The following PIH1D1 variants were observed in gnomAD, a reference collection of about 807,000 sequenced individuals.
The protein encoded by PIH1D1 is PIH1 domain containing 1.
A neutral mutation model predicts 38.5 loss-of-function variants in PIH1D1; 28 were observed. The observed-to-expected ratio is 0.73, with a 90% CI of 0.54 to 1.00. PIH1D1 has a LOEUF of 1.00. Among genes scored for constraint, PIH1D1 ranks in the 50% least tolerant of loss-of-function variants. The pLI, the probability that PIH1D1 is intolerant of heterozygous loss-of-function variation, is 0.00. For synonymous variants in PIH1D1, 155 were observed against 153.5 expected, an observed-to-expected ratio of 1.01 and a Z score of -0.07; for missense variants, 343 against 369.9, an observed-to-expected ratio of 0.93 and a Z score of 0.60.
At chr19:49,448,207 T>G in intron 3 of PIH1D1, 145 bp from the exon 4 acceptor site, 1 of 776,944 alleles carries the variant, frequency 1.3e-6, no homozygotes, top group Non-Finnish European at 2.1e-6. Context: ...GCACTCACTT[T>G]CCGCTCTGGA....
At chr19:49,447,210 C>A in intron 6 of PIH1D1, 111 bp from the exon 7 acceptor site, 1 of 1,487,626 alleles carries the variant, frequency 6.7e-7, no homozygotes, top group South Asian at 1.2e-5. Context: ...CCTTCCCAGT[C>A]AGGAGTTCTC....
Position 49,446,544 on chromosome 19 carries a change from C to T in PIH1D1, c.831+7G>A. The T allele has an allele frequency of 6.2e-7, 1 of 1,614,002 alleles. No individual in the cohort carries two copies. On this transcript the variant is annotated splice_region_variant and intron_variant, in intron 8 of 8. Coordinates refer to ENST00000262265, the MANE Select transcript of PIH1D1 (RefSeq NM_017916.3). ...TCCCAGCTTCCCCAAGCCCCTCCCC[C>T]AGGCACCTTTCTCTTCCGGTGGAAG...
chr19:49,449,525 C>A lies in PIH1D1; in HGVS notation c.287G>T (p.Gly96Val), dbSNP rs758268412. 2 of 1,614,180 alleles carry A rather than the reference C, an allele frequency of 1.2e-6. No homozygotes were observed. The highest frequency in any genetic ancestry group is 4.5e-5 in the East Asian group (2 of 44,878). The change falls in exon 3 of 9, where the codon GGG (glycine) becomes GTG (valine). Residue 96 changes from glycine to valine, a missense_variant. By Grantham distance (109) the Gly-to-Val change is moderately radical. Transcript: ENST00000262265. ...LLQMLEEDQA[G>V]FRIPMSLGEP... is the part of the protein sequence containing the mutation. ...TCCCAGACTCATGGGGATGCGAAACCCAGCTTGGTCCTCCTCTAGCATCTG... is the reference window on the plus strand; with the variant it reads ...TCCCAGACTCATGGGGATGCGAAACACAGCTTGGTCCTCCTCTAGCATCTG...
intron 2 of PIH1D1, 83 bp from the exon 3 acceptor site, chr19:49,449,737 T>C (rs2079046634): frequency 8.2e-7 from 1 of 1,222,172 alleles, no homozygotes; most frequent in Non-Finnish European, 1.2e-6. Context: ...CTGTCTCTTT[T>C]CCTTTTGCCC....
rs779654101 is a variant in PIH1D1 at position 49,449,532 on chromosome 19, G to T, written c.280C>A (p.Gln94Lys). ...CTCATGGGGATGCGAAACCCAGCTT[G>T]GTCCTCCTCTAGCATCTGAAGCAGC... Reference protein sequence around the residue: ...EELLQMLEEDQAGFRIPMSLG... With the variant: ...EELLQMLEEDKAGFRIPMSLG... The change falls in exon 3 of 9, where the codon CAA (glutamine) becomes AAA (lysine). Residue 94 changes from glutamine to lysine, a missense_variant. Gln to Lys is a moderately conservative substitution (Grantham distance 53). Coordinates refer to ENST00000262265, the MANE Select transcript of PIH1D1 (RefSeq NM_017916.3). 17 of 1,614,088 alleles carry T rather than the reference G, an allele frequency of 1.1e-5. No individual in the cohort carries two copies. Among genetic ancestry groups the T allele is most frequent in the Non-Finnish European group, 1.4e-5 (16 of 1,180,046 alleles).
At chr19:49,449,156 A>AG (rs369857129) in intron 3 of PIH1D1, 2 of 434,098 alleles carry the variant, frequency 4.6e-6, no homozygotes, top group Non-Finnish European at 8.7e-6. Context: ...AAAAAAAAAA[A>AG]GAAAGAAAGA....
chr19:49,449,172 G>A (rs931977218), intron 3 of PIH1D1: 2 of 497,632 alleles, frequency 4.0e-6, no homozygotes, highest in African/African-American at 2.0e-5. Context: ...AAAGAAAAAA[G>A]AAGGAGACAG....
At position 49,447,356 on chromosome 19, in the gene PIH1D1, G is replaced by A. The variant is rs893204926; in HGVS notation, c.593C>T (p.Pro198Leu). Reference sequence around the variant, plus strand: ...GGCCCACCCTGACTCAGCTCTCCCGGGGGCGGGCGTGTACAGGTCCCCCAG... The same window carrying A: ...GGCCCACCCTGACTCAGCTCTCCCGAGGGCGGGCGTGTACAGGTCCCCCAG... Reference protein sequence around the residue: ...QELGDLYTPAPGRAESGPEKP... With the variant: ...QELGDLYTPALGRAESGPEKP... The change falls in exon 6 of 9, where the codon CCC (proline) becomes CTC (leucine). Residue 198 changes from proline to leucine, a missense_variant. Coordinates refer to ENST00000262265, the MANE Select transcript of PIH1D1 (RefSeq NM_017916.3). The A allele has an allele frequency of 1.2e-6, 2 of 1,613,888 alleles. No individual in the cohort carries two copies. The highest frequency in any genetic ancestry group is 1.3e-5 in the African/African-American group (1 of 75,030).
Position 49,447,479 on chromosome 19 carries a change from G to C in PIH1D1, c.482-12C>G. The C allele has an allele frequency of 6.2e-7, 1 of 1,606,452 alleles. No individual in the cohort carries two copies. On this transcript the variant is annotated splice_polypyrimidine_tract_variant and intron_variant, in intron 5 of 8. Coordinates refer to ENST00000262265, the MANE Select transcript of PIH1D1 (RefSeq NM_017916.3). ...CATCATGCGCCATTCTGAGGGTCAG[G>C]AGCGCCGTCAAACATCGTACAGGTC...
In PIH1D1 at chr19:49,451,800, T is replaced by C. The variant is rs2079063105; in HGVS notation, c.-226A>G. ...TAGACGCACTACCCTCCGTCCTACG[T>C]GCCGAACTGTAAACGAAGCCACACT... On this transcript the variant is annotated 5_prime_UTR_variant, in exon 1 of 9. Coordinates refer to ENST00000262265, the MANE Select transcript of PIH1D1 (RefSeq NM_017916.3). 1 of 1,322,848 alleles carries C rather than the reference T, an allele frequency of 7.6e-7. No individual in the cohort carries two copies. The highest frequency in any genetic ancestry group is 9.8e-7 in the Non-Finnish European group (1 of 1,017,982). The allele number at this position is 1,322,848 out of a possible 1,614,324, so 81.9% of individuals were successfully genotyped here.
At chr19:49,451,115 C>T (rs1016049020) in intron 1 of PIH1D1, among the ~76,000 whole-genome samples, 2 of 148,000 alleles carry the variant, frequency 1.4e-5, no homozygotes, top group African/African-American at 5.0e-5. Flanking sequence ...TTGCAAGCTT[C>T]GCCTCCCGGG....
intron 2 of PIH1D1, among the ~76,000 whole-genome samples, chr19:49,449,933 T>C (rs2079048285): frequency 6.6e-6 from 1 of 151,790 alleles, no homozygotes; most frequent in Non-Finnish European, 1.5e-5. Flanking sequence ...TAGCTGGGAT[T>C]ATAGGCGCCC....
At chr19:49,449,998 T>C (rs959021538) in intron 2 of PIH1D1, among the ~76,000 whole-genome samples, 18 of 152,102 alleles carry the variant, frequency 1.2e-4, no homozygotes, top group Non-Finnish European at 1.3e-4. Context: ...TTTCACCATG[T>C]TGGCCAGGCT....
At chr19:49,449,769 T>C in intron 2 of PIH1D1, 115 bp from the exon 3 acceptor site, 1 of 760,348 alleles carries the variant, frequency 1.3e-6, no homozygotes. Context: ...TTTGTTCCAC[T>C]CCCCACCCGA....
At chr19:49,447,227 C>T in intron 6 of PIH1D1, 111 bp downstream of exon 6, 1 of 1,523,806 alleles carries the variant, frequency 6.6e-7, no homozygotes, top group East Asian at 2.3e-5. Context: ...TCTCTCTCCT[C>T]CCTCTCTCAG....
At position 49,448,295 on chromosome 19, in the gene PIH1D1, C is replaced by T. The variant is rs142970239; in HGVS notation, c.338-233G>A. On this transcript the variant is annotated intron_variant, in intron 3 of 8. Transcript: ENST00000262265. ...GTCACTAGAGTTGACCCTATCCCTT[C>T]CCTGCTCACAGCTCTTCTCTGGCTC... The T allele has an allele frequency of 7.1e-3, 3,989 of 561,484 alleles. 20 individuals are homozygous for T. Among genetic ancestry groups the T allele is most frequent in the Non-Finnish European group, 9.9e-3 (3,107 of 312,792 alleles). 34.8% of individuals were successfully genotyped at this position (561,484 alleles called of 1,614,324 possible).
chr19:49,451,107 G>A (rs1485965748), intron 1 of PIH1D1, among the ~76,000 whole-genome samples: 1 of 139,578 alleles, frequency 7.2e-6, no homozygotes, highest in East Asian at 2.1e-4. Context: ...TCGGCTCATT[G>A]CAAGCTTCGC....
intron 1 of PIH1D1, 57 bp downstream of exon 1, chr19:49,451,428 T>C: frequency 6.2e-7 from 1 of 1,609,404 alleles, no homozygotes; most frequent in South Asian, 1.1e-5. Flanking sequence ...GTCCCATCTT[T>C]GAGCACCCCG....
intron 1 of PIH1D1, 170 bp from the exon 2 acceptor site, chr19:49,451,018 CCCATTT>C (rs1310621912): frequency 1.4e-5 from 16 of 1,152,224 alleles, no homozygotes; most frequent in Middle Eastern, 2.4e-4. Flanking sequence ...CAACCCCATT[CCCATTT>C]CTTTTTTTTT....
Sources: gnomAD v4.1 joint callset for allele counts (sites outside exome capture counted in the v4.1 genomes callset) on GRCh38, gnomAD v4.1.1 for gene constraint, MANE v1.5 for transcripts, NCBI Gene and HGNC (gene_info 2026-07-23, HGNC 2026-07-21) for gene names.